The following MEIS2 variants were observed in gnomAD, a reference collection of about 807,000 sequenced individuals.
MEIS2 encodes the protein homeobox protein Meis2.
Under a neutral mutation model 58.6 loss-of-function variants are expected in MEIS2, and 9 were observed. That is an observed-to-expected ratio of 0.15 (90% confidence interval 0.09 to 0.27). MEIS2 has a LOEUF of 0.27. Among genes scored for constraint, MEIS2 ranks in the 10% least tolerant of loss-of-function variants. The pLI is 1.00. For synonymous variants in MEIS2, 221 were observed against 228.4 expected, an observed-to-expected ratio of 0.97 and a Z score of 0.29; for missense variants, 427 against 635.0, an observed-to-expected ratio of 0.67 and a Z score of 3.52.
At chr15:36,933,614 C>CG (rs1376839977) in intron 9 of MEIS2, among the ~76,000 whole-genome samples, 2 of 36,082 alleles carry the variant, frequency 5.5e-5, no homozygotes, top group Non-Finnish European at 1.1e-4. Flanking sequence ...TGGGGGTGGG[C>CG]GGGGGGCGGA....
At chr15:36,927,722 ACT>A (rs3046873) in intron 9 of MEIS2, among the ~76,000 whole-genome samples, 74,680 of 151,432 alleles carry the variant, frequency 0.49, 20,744 homozygotes, top group Non-Finnish European at 0.63. Context: ...GACCAAGGAA[ACT>A]CTCTCTGGGA....
intron 11 of MEIS2, chr15:36,894,290 A>G (rs2056049268): frequency 6.4e-6 from 1 of 157,044 alleles, no homozygotes; most frequent in African/African-American, 2.4e-5. Flanking sequence ...TTTGGGCATC[A>G]ATCGTATTCT....
At chr15:36,977,147 A>T (rs140764055) in intron 8 of MEIS2, among the ~76,000 whole-genome samples, 217 of 150,884 alleles carry the variant, frequency 1.4e-3, no homozygotes, top group African/African-American at 5.2e-3. Context: ...ACAAAACAAA[A>T]CAAAAAATTC....
intron 8 of MEIS2, among the ~76,000 whole-genome samples, chr15:37,013,753 T>C (rs1427673909): frequency 1.3e-5 from 2 of 151,978 alleles, no homozygotes; most frequent in African/African-American, 2.4e-5. Context: ...GAAATGACTA[T>C]ACCCATTTTA....
intron 8 of MEIS2, among the ~76,000 whole-genome samples, chr15:36,998,079 C>G (rs772881510): frequency 3.3e-5 from 5 of 152,040 alleles, no homozygotes. Context: ...TTCGAGCATG[C>G]ACTCTTCCTT....
chr15:37,063,482 T>C (rs747860207), intron 7 of MEIS2, among the ~76,000 whole-genome samples: 7 of 152,208 alleles, frequency 4.6e-5, no homozygotes, highest in Non-Finnish European at 7.3e-5. Context: ...TTTCTTAGTC[T>C]CTCTAAGCCT....
At chr15:37,029,202 G>C (rs1290564030) in intron 8 of MEIS2, among the ~76,000 whole-genome samples, 1 of 152,150 alleles carries the variant, frequency 6.6e-6, no homozygotes, top group African/African-American at 2.4e-5. Flanking sequence ...ATGTTTGTGG[G>C]AAGCTCTCTC....
At chr15:37,093,865 A>T in intron 5 of MEIS2, 135 bp from the exon 6 acceptor site, 2 of 1,090,780 alleles carry the variant, frequency 1.8e-6, no homozygotes, top group South Asian at 3.0e-5. Flanking sequence ...TTCCAAACTA[A>T]CTCTAATTAA....
intron 9 of MEIS2, among the ~76,000 whole-genome samples, chr15:36,940,458 G>GT (rs1023197893): frequency 3.3e-4 from 50 of 152,172 alleles, no homozygotes; most frequent in Admixed American, 1.6e-3. Flanking sequence ...AGGGGTGGTT[G>GT]TTTTTTTAAT....
At position 37,093,594 on chromosome 15, in the gene MEIS2, T is replaced by C; in HGVS notation, c.626A>G (p.Asn209Ser). ...DHEELSGSST[N>S]LADHNPSSWR... ...TAGCAGACTTACATGGTCAGCGAGA[T>C]TTGTGGAGGAGCCTGAAAGTTCTTC... Residue 209 changes from asparagine (N) to serine (S), a missense_variant, in exon 6 of 12, where the codon AAT becomes AGT. Asn to Ser is a conservative substitution (Grantham distance 46, BLOSUM62 1). Around this residue, in one of 6 missense-constraint regions of MEIS2, gnomAD observed 138 missense variants for 263.0 expected, o/e 0.52. Transcript: ENST00000561208. 4 of 1,614,088 alleles carry C rather than the reference T, an allele frequency of 2.5e-6. No individual in the cohort carries two copies. The highest frequency in any genetic ancestry group is 3.4e-6 in the Non-Finnish European group (4 of 1,179,990).
chr15:36,922,355 A>G (rs554630049), intron 9 of MEIS2, among the ~76,000 whole-genome samples: 2 of 152,376 alleles, frequency 1.3e-5, no homozygotes, highest in South Asian at 4.1e-4. Flanking sequence ...GTAAAGGGCT[A>G]TAAAATATAA....
intron 7 of MEIS2, among the ~76,000 whole-genome samples, chr15:37,046,713 T>C (rs1440284108): frequency 6.6e-6 from 1 of 152,140 alleles, no homozygotes; most frequent in Non-Finnish European, 1.5e-5. Context: ...ATTTACCCGT[T>C]AGGAACCATA....
intron 8 of MEIS2, among the ~76,000 whole-genome samples, chr15:37,010,370 A>G (rs1313297892): frequency 6.6e-6 from 1 of 151,062 alleles, no homozygotes; most frequent in Non-Finnish European, 1.5e-5. Context: ...TACAGGCATG[A>G]GCCACCACGC....
At position 36,971,107 on chromosome 15, in the gene MEIS2, G is replaced by C. The variant is rs573768186; in HGVS notation, c.901-20707C>G. ...AAATTGCTGTGGTGGTGGGCTTGGG[G>C]GGGTGGGGGATGTAAAGTCGATTTA... On this transcript the variant is annotated intron_variant, in intron 8 of 11. Transcript: ENST00000561208. Among the ~76,000 whole-genome samples, 49 of 151,894 alleles carry C rather than the reference G, an allele frequency of 3.2e-4. 1 individual carries two copies. The highest frequency in any genetic ancestry group is 2.4e-3 in the Admixed American group (36 of 15,264).
At position 36,957,448 on chromosome 15, in the gene MEIS2, G is replaced by T. The variant is rs555140324; in HGVS notation, c.901-7048C>A. Among the ~76,000 whole-genome samples the T allele has an allele frequency of 3.3e-3, 506 of 152,204 alleles. 3 individuals carry two copies. The highest frequency in any genetic ancestry group is 0.012 in the African/African-American group (483 of 41,524). ...GCTGAAGGAGAGTATATTTCAAATGGTGTGGGATCAAAACATTCCCCTCCA... is the reference window on the plus strand; with the variant it reads ...GCTGAAGGAGAGTATATTTCAAATGTTGTGGGATCAAAACATTCCCCTCCA... On this transcript the variant is annotated intron_variant, in intron 8 of 11. Coordinates refer to ENST00000561208, the MANE Select transcript of MEIS2 (RefSeq NM_170675.5).
At chr15:37,004,906 T>G (rs1428374178) in intron 8 of MEIS2, among the ~76,000 whole-genome samples, 2 of 152,222 alleles carry the variant, frequency 1.3e-5, no homozygotes, top group Non-Finnish European at 2.9e-5. Context: ...TATCCTGATT[T>G]GATCCTAACA....
chr15:36,983,943 G>T (rs1421399398), intron 8 of MEIS2, among the ~76,000 whole-genome samples: 1 of 151,282 alleles, frequency 6.6e-6, no homozygotes, highest in Admixed American at 6.6e-5. Context: ...TCTGTTCCTT[G>T]TTAATATATA....
At position 36,971,553 on chromosome 15, in the gene MEIS2, A is replaced by AAAAAAAAAAAAAAAAAAAAAAAAG. The variant is rs1555438306; in HGVS notation, c.901-21154_901-21153insCTTTTTTTTTTTTTTTTTTTTTTT. 4.9e-4 allele frequency among the ~76,000 whole-genome samples: 65 copies of AAAAAAAAAAAAAAAAAAAAAAAAG among 132,036 alleles called. 1 individual carries two copies. Among genetic ancestry groups the AAAAAAAAAAAAAAAAAAAAAAAAG allele is most frequent in the East Asian group, 2.3e-3 (9 of 3,836 alleles). 86.6% of individuals were successfully genotyped at this position (132,036 alleles called of 152,430 possible). Reference sequence around the variant, plus strand: ...TTGTTACATTAAAAAAAAAAAAAAAAAAAAAAAAAAAGGGCTGTTCCAGTG... The same window carrying AAAAAAAAAAAAAAAAAAAAAAAAG: ...TTGTTACATTAAAAAAAAAAAAAAAAAAAAAAAAAAAAAAAAAAAAAAAGAAAAAAAAAAAGGGCTGTTCCAGTG... On this transcript the variant is annotated intron_variant, in intron 8 of 11. Coordinates refer to ENST00000561208, the MANE Select transcript of MEIS2 (RefSeq NM_170675.5).
At chr15:36,995,978 T>C (rs1482333044) in intron 8 of MEIS2, among the ~76,000 whole-genome samples, 4 of 40,618 alleles carry the variant, frequency 9.8e-5, no homozygotes, top group Admixed American at 3.2e-4. Context: ...TATATATATA[T>C]ATATATATAT....
Sources: allele counts gnomAD v4.1 joint callset (sites outside exome capture counted in the v4.1 genomes callset), GRCh38; gene constraint gnomAD v4.1.1; regional missense constraint gnomAD v4.1.1; transcripts MANE v1.5; gene names NCBI Gene and HGNC (gene_info 2026-07-23, HGNC 2026-07-21).